POU6F2: variants seen among roughly 807,000 people sequenced by gnomAD.
The protein encoded by POU6F2 is POU domain, class 6, transcription factor 2.
A neutral mutation model predicts 71.3 loss-of-function variants in POU6F2; 31 were observed. The observed-to-expected ratio is 0.43, with a 90% confidence interval of 0.33 to 0.59. The LOEUF is 0.59. Ranked by LOEUF, POU6F2 falls within the 20% of genes least tolerant of loss-of-function variation. POU6F2 has a pLI of 0.04. For missense variants in POU6F2, 783 were observed against 856.8 expected (o/e 0.91, Z 1.07); for synonymous variants, 347 against 355.7 (o/e 0.98, Z 0.27).
At chr7:39,169,791 T>C (rs1188002579) in intron 2 of POU6F2, among the ~76,000 whole-genome samples, 1 of 152,170 alleles carries the variant, frequency 6.6e-6, no homozygotes, top group African/African-American at 2.4e-5. Context: ...CAGGATAAAA[T>C]ATTTATACTT....
chr7:39,387,053 C>T lies in POU6F2; in HGVS notation c.973-19547C>T, dbSNP rs961728815. On this transcript the variant is annotated intron_variant, in intron 5 of 9. Coordinates refer to ENST00000518318, the MANE Select transcript of POU6F2 (RefSeq NM_001370959.1). Reference sequence around the variant, plus strand: ...CCCAGGGCCATTGCAGCAGGGGACCCTGTGGTAGGTTGAACTGCCATGCAG... The same window carrying T: ...CCCAGGGCCATTGCAGCAGGGGACCTTGTGGTAGGTTGAACTGCCATGCAG... 1.2e-4 allele frequency among the ~76,000 whole-genome samples: 19 copies of T among 152,180 alleles called. 1 individual carries two copies. Among genetic ancestry groups the T allele is most frequent in the Admixed American group, 1.1e-3 (17 of 15,272 alleles).
At chr7:39,297,998 T>C (rs1292903089) in intron 4 of POU6F2, among the ~76,000 whole-genome samples, 3 of 152,064 alleles carry the variant, frequency 2.0e-5, no homozygotes, top group African/African-American at 7.2e-5. Flanking sequence ...TATACAAAAA[T>C]TATCTCAAGG....
chr7:39,034,633 AT>A (rs1790018735), intron 1 of POU6F2: 1 of 247,798 alleles, frequency 4.0e-6, no homozygotes, highest in Admixed American at 4.4e-5. Context: ...AATCAATGCG[AT>A]TTTTCTATTT....
chr7:39,107,678 C>T (rs1791719311), intron 2 of POU6F2, among the ~76,000 whole-genome samples: 1 of 151,884 alleles, frequency 6.6e-6, no homozygotes. Flanking sequence ...GTGGAACCAC[C>T]CCCCGCCCCC....
intron 5 of POU6F2, among the ~76,000 whole-genome samples, chr7:39,370,759 G>A (rs947131304): frequency 1.3e-5 from 2 of 152,182 alleles, no homozygotes; most frequent in Non-Finnish European, 2.9e-5. Context: ...TTGCCTCATA[G>A]AACAGAAGAC....
chr7:39,213,661 C>T (rs959539505), intron 4 of POU6F2, among the ~76,000 whole-genome samples: 8 of 152,124 alleles, frequency 5.3e-5, no homozygotes, highest in African/African-American at 9.7e-5. Context: ...TTTTCTCATT[C>T]GGCATAATGT....
chr7:39,286,195 A>G (rs1784647060), intron 4 of POU6F2, among the ~76,000 whole-genome samples: 1 of 152,156 alleles, frequency 6.6e-6, no homozygotes, highest in Non-Finnish European at 1.5e-5. Context: ...CATCTATCCC[A>G]CTTACCAGCA....
chr7:39,187,927 T>C (rs1793579444), intron 2 of POU6F2, among the ~76,000 whole-genome samples: 1 of 152,240 alleles, frequency 6.6e-6, no homozygotes, highest in Non-Finnish European at 1.5e-5. Flanking sequence ...TCTTTGATTT[T>C]ACAGGTTCCA....
chr7:39,379,936 C>T (rs1051762239), intron 5 of POU6F2, among the ~76,000 whole-genome samples: 2 of 152,144 alleles, frequency 1.3e-5, no homozygotes, highest in African/African-American at 2.4e-5. Flanking sequence ...ATAGATGAAT[C>T]GTTTTCTTTC....
intron 1 of POU6F2, among the ~76,000 whole-genome samples, chr7:39,074,129 G>T (rs1159956504): frequency 1.3e-5 from 2 of 152,168 alleles, no homozygotes; most frequent in East Asian, 1.9e-4. Flanking sequence ...CTGGCAGATT[G>T]CCTGAGCTCC....
intron 2 of POU6F2, among the ~76,000 whole-genome samples, chr7:39,143,432 G>A (rs1792548491): frequency 2.0e-5 from 3 of 152,312 alleles, no homozygotes; most frequent in South Asian, 4.1e-4. Context: ...AGGTCTAGTT[G>A]ATCAGTGAAG....
chr7:38,995,516 G>A (rs1229024), intron 1 of POU6F2, among the ~76,000 whole-genome samples: 149,673 of 151,518 alleles, frequency 0.99, 73,923 homozygotes, highest in South Asian at 1. Flanking sequence ...TGAAAAAAAA[G>A]AGAGAGGACT....
intron 4 of POU6F2, among the ~76,000 whole-genome samples, chr7:39,221,750 G>A (rs1252385385): frequency 6.6e-6 from 1 of 152,032 alleles, no homozygotes; most frequent in Admixed American, 6.6e-5. Context: ...GAGAAATTAT[G>A]TGCTTCAACT....
intron 1 of POU6F2, among the ~76,000 whole-genome samples, chr7:39,011,192 A>G (rs2128703181): frequency 7.1e-6 from 1 of 141,008 alleles, no homozygotes; most frequent in East Asian, 2.2e-4. Flanking sequence ...GACTTGCTTT[A>G]TGAATCTGGG....
At chr7:39,107,855 T>C (rs6976461) in intron 2 of POU6F2, among the ~76,000 whole-genome samples, 46,849 of 151,976 alleles carry the variant, frequency 0.31, 7,496 homozygotes, top group East Asian at 0.56. Context: ...CCAAGAAGAC[T>C]CCACCAGAAA....
intron 1 of POU6F2, among the ~76,000 whole-genome samples, chr7:39,048,068 A>G (rs889081093): frequency 1.1e-4 from 16 of 151,990 alleles, no homozygotes; most frequent in Non-Finnish European, 2.2e-4. Flanking sequence ...TGAAAGAGCA[A>G]TTGAAGGATT....
At chr7:39,457,220 C>T (rs1299284751) in intron 8 of POU6F2, among the ~76,000 whole-genome samples, 1 of 152,166 alleles carries the variant, frequency 6.6e-6, no homozygotes, top group African/African-American at 2.4e-5. Context: ...ATTGGGCTGC[C>T]GAATCCTGTG....
At chr7:39,385,289 C>T (rs1583565179) in intron 5 of POU6F2, among the ~76,000 whole-genome samples, 2 of 152,154 alleles carry the variant, frequency 1.3e-5, no homozygotes, top group East Asian at 3.8e-4. Flanking sequence ...ACTGCTTTTT[C>T]CCTCTTGTGT....
intron 4 of POU6F2, among the ~76,000 whole-genome samples, chr7:39,270,790 C>G (rs1388144136): frequency 1.3e-5 from 2 of 152,126 alleles, no homozygotes; most frequent in Non-Finnish European, 2.9e-5. Flanking sequence ...TGGATAGAAA[C>G]CCTCCTAGAT....
Sources: gnomAD v4.1 joint callset for allele counts (sites outside exome capture counted in the v4.1 genomes callset) on GRCh38, gnomAD v4.1.1 for gene constraint, MANE v1.5 for transcripts, NCBI Gene and HGNC (gene_info 2026-07-23, HGNC 2026-07-21) for gene names.